ABCA13: variants seen among roughly 807,000 people sequenced by gnomAD.
ABCA13 encodes ATP-binding cassette sub-family A member 13.
Under a neutral mutation model 478.7 loss-of-function variants are expected in ABCA13, and 476 were observed. The ratio of observed to expected loss-of-function variants is 0.99; its 90% confidence interval spans 0.92 to 1.07. The LOEUF is 1.07. Among genes scored for constraint, ABCA13 ranks in the 50% least tolerant of loss-of-function variants. The probability of loss-of-function intolerance (pLI) is 0.00; values close to 1 mark genes in which losing one functional copy is unlikely to be tolerated. For synonymous variants in ABCA13, 2,252 were observed against 2,158.9 expected (o/e 1.04, Z -1.20); for missense variants, 6,060 against 5,910.6 (o/e 1.03, Z -0.83).
intron 35 of ABCA13, among the ~76,000 whole-genome samples, chr7:48,384,360 A>G (rs1171233861): frequency 6.6e-6 from 1 of 152,258 alleles, no homozygotes; most frequent in Non-Finnish European, 1.5e-5. Flanking sequence ...AACCCAAAGC[A>G]TCCTCATGAC....
In ABCA13 at chr7:48,279,312, A is replaced by T. The variant is rs765095536; in HGVS notation, c.8118A>T (p.Gln2706His). ...PNPISTHSGPQDIKWEIIHEV... is the reference protein window; with the variant it reads ...PNPISTHSGPHDIKWEIIHEV... ...CAATTTCCACTCATAGTGGCCCTCA[A>T]GATATAAAATGGGAAATAATTCATG... Residue 2706 changes from glutamine to histidine, a missense_variant, in exon 18 of 62, where the codon CAA (glutamine) becomes CAT (histidine). Gln to His is a conservative substitution (Grantham distance 24). Coordinates refer to ENST00000435803, the MANE Select transcript of ABCA13 (RefSeq NM_152701.5). 6 of 1,587,566 alleles carry T rather than the reference A, an allele frequency of 3.8e-6. 1 individual carries two copies. The South Asian group carries it at 6.8e-5, about 18-fold the overall frequency.
chr7:48,266,208 A>G (rs765585673), intron 15 of ABCA13, among the ~76,000 whole-genome samples: 4 of 151,590 alleles, frequency 2.6e-5, no homozygotes, highest in Non-Finnish European at 5.9e-5. Flanking sequence ...ATCAGTTTTT[A>G]TGAGGGGCAG....
chr7:48,410,703 A>T, intron 40 of ABCA13, 26 bp downstream of exon 40: 1 of 1,594,468 alleles, frequency 6.3e-7, no homozygotes, highest in Non-Finnish European at 8.6e-7. Flanking sequence ...ATTCTATCTC[A>T]CTGAAGTCCC....
intron 59 of ABCA13, among the ~76,000 whole-genome samples, chr7:48,640,719 T>A: frequency 6.6e-6 from 1 of 152,324 alleles, no homozygotes; most frequent in Non-Finnish European, 1.5e-5. Flanking sequence ...GACATAACTG[T>A]GTATGTTATA....
intron 42 of ABCA13, among the ~76,000 whole-genome samples, chr7:48,453,860 C>T (rs1346865351): frequency 6.6e-6 from 1 of 152,338 alleles, no homozygotes; most frequent in African/African-American, 2.4e-5. Context: ...CCAGCGCCTG[C>T]ACACACTGGG....
chr7:48,514,986 C>A (rs1172593042), intron 51 of ABCA13, among the ~76,000 whole-genome samples: 1 of 152,022 alleles, frequency 6.6e-6, no homozygotes, highest in South Asian at 2.1e-4. Flanking sequence ...ATCTTATGAA[C>A]TATGAGAATG....
Position 48,511,216 on chromosome 7 carries a change from G to A in ABCA13, c.13640+17G>A, listed in dbSNP as rs1226909415. The stretch of plus-strand genomic sequence containing the variant: ...ACTTTTCGGGTATGTGATGAGAAAC[G>A]CTGCTGCAGAATTACGGTTTGTTTT... On this transcript the variant is annotated intron_variant, in intron 51 of 61. Coordinates refer to ENST00000435803, the MANE Select transcript of ABCA13 (RefSeq NM_152701.5). 1.0e-5 allele frequency: 16 copies of A among 1,587,000 alleles called. No homozygotes were observed. Among genetic ancestry groups the A allele is most frequent in the Middle Eastern group, 1.7e-4 (1 of 5,988 alleles).
intron 52 of ABCA13, among the ~76,000 whole-genome samples, chr7:48,517,848 G>T (rs1212425228): frequency 6.6e-6 from 1 of 152,158 alleles, no homozygotes; most frequent in Non-Finnish European, 1.5e-5. Context: ...GAAATGACCT[G>T]GAAAAGGTAC....
Position 48,584,624 on chromosome 7 carries a change from A to G in ABCA13, c.14506-2530A>G, listed in dbSNP as rs555754774. Reference sequence around the variant, plus strand: ...CTGCCTTGTGCACTGAGCTTCCAGGATGGGCTCTGACCACCCTCAACCCTG... The same window carrying G: ...CTGCCTTGTGCACTGAGCTTCCAGGGTGGGCTCTGACCACCCTCAACCCTG... On this transcript the variant is annotated intron_variant, in intron 56 of 61. Coordinates refer to ENST00000435803, the MANE Select transcript of ABCA13 (RefSeq NM_152701.5). Among the ~76,000 whole-genome samples, 354 of 152,316 alleles carry G rather than the reference A, an allele frequency of 2.3e-3. 2 individuals carry two copies. The highest frequency in any genetic ancestry group is 8.0e-3 in the African/African-American group (333 of 41,572).
At chr7:48,301,914 T>C (rs1456060398) in intron 23 of ABCA13, among the ~76,000 whole-genome samples, 2 of 152,240 alleles carry the variant, frequency 1.3e-5, no homozygotes, top group Non-Finnish European at 2.9e-5. Flanking sequence ...CCAGCTACTC[T>C]CCTTCCATTA....
intron 24 of ABCA13, among the ~76,000 whole-genome samples, chr7:48,311,674 A>C (rs78467111): frequency 0.022 from 3,311 of 152,316 alleles, 68 homozygotes; most frequent in Middle Eastern, 0.054. Context: ...AAATGACATC[A>C]TCATTAATAA....
intron 20 of ABCA13, among the ~76,000 whole-genome samples, chr7:48,290,940 G>A (rs73697125): frequency 0.23 from 11,268 of 48,872 alleles, 1,980 homozygotes; most frequent in African/African-American, 0.4. Flanking sequence ...CACACTCAGG[G>A]AAAAAAAAAA....
intron 42 of ABCA13, among the ~76,000 whole-genome samples, chr7:48,453,756 G>A (rs762163507): frequency 1.8e-4 from 27 of 152,124 alleles, no homozygotes; most frequent in Admixed American, 4.6e-4. Context: ...CCTTGGTACC[G>A]ACTCTTTCCA....
At chr7:48,374,315 C>A in intron 33 of ABCA13, 32 bp from the exon 34 acceptor site, 1 of 1,585,388 alleles carries the variant, frequency 6.3e-7, no homozygotes, top group Non-Finnish European at 8.6e-7. Context: ...AAAACACTAA[C>A]GTGCAGTTTT....
rs1795325296 is a variant in ABCA13 at position 48,644,699 on chromosome 7, A to T, written c.15026A>T (p.Asn5009Ile). Residue 5009 changes from asparagine (N) to isoleucine (I), a missense_variant, in exon 61 of 62, where the codon AAT becomes ATT. By Grantham distance (149) the Asn-to-Ile change is moderately radical. Transcript: ENST00000435803. ...GACTTGTTCAAAGTTATAGAGAACA[A>T]TAAAACCTTCTTGAATATTAAGCAT... ...LADLFKVIEN[N>I]KTFLNIKHYS... 4 of 1,611,414 alleles carry T rather than the reference A, an allele frequency of 2.5e-6. No homozygotes were observed.
chr7:48,397,749 G>A (rs1367296749), intron 38 of ABCA13, among the ~76,000 whole-genome samples: 1 of 152,184 alleles, frequency 6.6e-6, no homozygotes, highest in African/African-American at 2.4e-5. Context: ...TGCATGTGTG[G>A]AAAAAGCCAA....
At chr7:48,321,352 C>T (rs898513262) in intron 27 of ABCA13, among the ~76,000 whole-genome samples, 1 of 152,050 alleles carries the variant, frequency 6.6e-6, no homozygotes, top group Non-Finnish European at 1.5e-5. Context: ...GGTGGGAGCC[C>T]CTGGGAAGAG....
chr7:48,570,639 A>G (rs1259013336), intron 55 of ABCA13, among the ~76,000 whole-genome samples: 1 of 151,898 alleles, frequency 6.6e-6, no homozygotes, highest in African/African-American at 2.4e-5. Flanking sequence ...TTTTACTTTC[A>G]AACTATTTGT....
At chr7:48,399,104 C>T (rs112404112) in intron 38 of ABCA13, among the ~76,000 whole-genome samples, 10 of 151,800 alleles carry the variant, frequency 6.6e-5, no homozygotes, top group African/African-American at 2.2e-4. Flanking sequence ...AAAGAAAGAG[C>T]GGAAGAAGAG....
Sources: allele counts gnomAD v4.1 joint callset (sites outside exome capture counted in the v4.1 genomes callset), GRCh38; gene constraint gnomAD v4.1.1; transcripts MANE v1.5; gene names NCBI Gene and HGNC (gene_info 2026-07-23, HGNC 2026-07-21).